SNAP29: variants seen among roughly 807,000 people sequenced by gnomAD.
SNAP29 encodes the protein synaptosomal-associated protein 29.
A neutral mutation model predicts 27.9 loss-of-function variants in SNAP29; 13 were observed. The observed-to-expected ratio is 0.47, with a 90% CI of 0.30 to 0.74. The LOEUF (loss-of-function observed/expected upper bound fraction) is 0.74. Among genes scored for constraint, SNAP29 ranks in the 30% least tolerant of loss-of-function variants. The probability of loss-of-function intolerance (pLI) is 0.06; values close to 1 mark genes in which losing one functional copy is unlikely to be tolerated. For missense variants in SNAP29, 368 were observed against 336.5 expected, an observed-to-expected ratio of 1.09 and a Z score of -0.73; for synonymous variants, 119 against 127.1, an observed-to-expected ratio of 0.94 and a Z score of 0.43.
At chr22:20,875,037 A>T (rs1928706904) in intron 2 of SNAP29, among the ~76,000 whole-genome samples, 1 of 152,050 alleles carries the variant, frequency 6.6e-6, no homozygotes, top group South Asian at 2.1e-4. Context: ...GGGCTCTTGG[A>T]GGCCCCTGCA....
At chr22:20,876,304 C>T (rs1474610350) in intron 2 of SNAP29, among the ~76,000 whole-genome samples, 1 of 139,944 alleles carries the variant, frequency 7.1e-6, no homozygotes, top group Non-Finnish European at 1.5e-5. Flanking sequence ...GTCGCCCAGG[C>T]TGGAGTGCAG....
intron 1 of SNAP29, among the ~76,000 whole-genome samples, chr22:20,865,063 G>A (rs1928424954): frequency 1.3e-5 from 2 of 152,122 alleles, no homozygotes; most frequent in Admixed American, 1.3e-4. Context: ...GATTGAATTT[G>A]ACCATTGATG....
intron 1 of SNAP29, among the ~76,000 whole-genome samples, chr22:20,866,211 C>T (rs1049608932): frequency 6.6e-6 from 1 of 152,198 alleles, no homozygotes; most frequent in Admixed American, 6.5e-5. Context: ...CCAGCACTAC[C>T]GCCTTTGCCC....
At chr22:20,881,640 G>A (rs1313281638) in intron 3 of SNAP29, among the ~76,000 whole-genome samples, 1 of 152,224 alleles carries the variant, frequency 6.6e-6, no homozygotes, top group African/African-American at 2.4e-5. Flanking sequence ...CTGGGAGGCG[G>A]AGGTTGCAGT....
At chr22:20,879,300 C>G (rs1243961469) in intron 2 of SNAP29, among the ~76,000 whole-genome samples, 1 of 148,474 alleles carries the variant, frequency 6.7e-6, no homozygotes, top group Non-Finnish European at 1.5e-5. Context: ...GAGTGAGACT[C>G]CATCTCAAAA....
intron 1 of SNAP29, among the ~76,000 whole-genome samples, chr22:20,862,719 A>C (rs978119803): frequency 5.3e-5 from 8 of 152,300 alleles, no homozygotes; most frequent in South Asian, 4.1e-4. Context: ...TGAGAAGTAC[A>C]GTGTGGTCAT....
At chr22:20,886,297 T>C (rs1343703603) in intron 4 of SNAP29, among the ~76,000 whole-genome samples, 2 of 147,864 alleles carry the variant, frequency 1.4e-5, no homozygotes, top group Admixed American at 1.4e-4. Context: ...TTGAAGACAA[T>C]CTTTTTATTT....
At position 20,888,308 on chromosome 22, in the gene SNAP29, C is replaced by G. The variant is rs1929068352; in HGVS notation, c.*472C>G. 1 of 211,092 alleles carries G rather than the reference C, an allele frequency of 4.7e-6. No individual in the cohort carries two copies. Among genetic ancestry groups the G allele is most frequent in the Non-Finnish European group, 8.6e-6 (1 of 116,168 alleles). 13.1% of individuals were successfully genotyped at this position (211,092 alleles called of 1,614,324 possible). A position where few individuals can be genotyped will look rare whatever the true frequency, so the allele number is the denominator to read the frequency against. On this transcript the variant is annotated 3_prime_UTR_variant, in exon 5 of 5. Transcript: ENST00000215730. The stretch of plus-strand genomic sequence containing the variant: ...TCCCACACCTTTGTTTAGGAGTCAT[C>G]ATTCACACACACACACACACACACA...
intron 2 of SNAP29, among the ~76,000 whole-genome samples, chr22:20,874,574 CAAAA>C (rs758177794): frequency 5.1e-5 from 5 of 98,372 alleles, no homozygotes; most frequent in African/African-American, 3.6e-5. Flanking sequence ...GACCCTATCT[CAAAA>C]AAAAAAAAAA....
intron 1 of SNAP29, among the ~76,000 whole-genome samples, chr22:20,859,966 A>G (rs1214392191): frequency 3.3e-5 from 5 of 152,164 alleles, no homozygotes; most frequent in African/African-American, 1.2e-4. Flanking sequence ...CCCAAATCCT[A>G]GACAAATAGT....
rs892140839 is a variant in SNAP29 at position 20,887,953 on chromosome 22, A to G, written c.*117A>G. On this transcript the variant is annotated 3_prime_UTR_variant, in exon 5 of 5. Transcript: ENST00000215730. ...AAATTAATGTGTGTTTGCAAATGTT[A>G]TAATAGAGTAGGTCTTAAGACATTT... 3 of 1,032,652 alleles carry G rather than the reference A, an allele frequency of 2.9e-6. No individual in the cohort carries two copies. Among genetic ancestry groups the G allele is most frequent in the African/African-American group, 3.2e-5 (2 of 62,818 alleles). The allele number at this position is 1,032,652 out of a possible 1,614,324, so 64.0% of individuals were successfully genotyped here.
Position 20,859,364 on chromosome 22 carries a change from G to A in SNAP29, c.237+17G>A, listed in dbSNP as rs1251152956. On this transcript the variant is annotated intron_variant, in intron 1 of 4. Transcript: ENST00000215730. Reference sequence around the variant, plus strand: ...TCTTCCGAGGTGAGCCTGGGGCAGGGCTGGTGTGGACTCGCCGGTCTCTGT... The same window carrying A: ...TCTTCCGAGGTGAGCCTGGGGCAGGACTGGTGTGGACTCGCCGGTCTCTGT... 7 of 1,552,252 alleles carry A rather than the reference G, an allele frequency of 4.5e-6. No individual in the cohort carries two copies. The highest frequency in any genetic ancestry group is 2.2e-5 in the East Asian group (1 of 44,626).
At chr22:20,863,659 G>T (rs1298284182) in intron 1 of SNAP29, among the ~76,000 whole-genome samples, 4 of 152,124 alleles carry the variant, frequency 2.6e-5, no homozygotes, top group Non-Finnish European at 4.4e-5. Context: ...TAGTAAGCAT[G>T]ATTTCTTCTT....
rs573461514 is a variant in SNAP29, at chr22:20,865,500, C to T, written c.238-4837C>T. 4.6e-5 allele frequency among the ~76,000 whole-genome samples: 7 copies of T among 152,234 alleles called. No individual in the cohort carries two copies. The East Asian group carries it at 9.6e-4, about 21-fold the overall frequency. On this transcript the variant is annotated intron_variant, in intron 1 of 4. Coordinates refer to ENST00000215730, the MANE Select transcript of SNAP29 (RefSeq NM_004782.4). The stretch of plus-strand genomic sequence containing the variant: ...ATCCACTCACAGCTGCCACATTGTC[C>T]CAAGGAACCTTGCTTTGCTGACCAG...
At chr22:20,877,212 G>A (rs899473581) in intron 2 of SNAP29, among the ~76,000 whole-genome samples, 2 of 151,940 alleles carry the variant, frequency 1.3e-5, no homozygotes, top group African/African-American at 4.8e-5. Context: ...CACAAAGTCA[G>A]GTGTTCAAGA....
At position 20,881,121 on chromosome 22, in the gene SNAP29, G is replaced by C. The variant is rs746213222; in HGVS notation, c.507G>C (p.Lys169Asn). Residue 169 changes from lysine (K) to asparagine (N), a missense_variant, in exon 3 of 5, where the codon AAG becomes AAC. Coordinates refer to ENST00000215730, the MANE Select transcript of SNAP29 (RefSeq NM_004782.4). The stretch of plus-strand genomic sequence containing the variant: ...AGGCCAGCCACCCAAACCTTAGAAA[G>C]CTGGATGATACAGGTAAGTGGATAC... Reference protein sequence around the residue: ...KYQASHPNLRKLDDTDPVPRG... With the variant: ...KYQASHPNLRNLDDTDPVPRG... 1 of 1,609,412 alleles carries C rather than the reference G, an allele frequency of 6.2e-7. No individual in the cohort carries two copies. The highest frequency in any genetic ancestry group is 2.2e-5 in the East Asian group (1 of 44,862).
At chr22:20,883,627 C>T (rs1928944126) in intron 4 of SNAP29, 58 bp downstream of exon 4, 1 of 1,066,768 alleles carries the variant, frequency 9.4e-7, no homozygotes, top group African/African-American at 1.6e-5. Flanking sequence ...CAGCTTACGC[C>T]AAGCATAGCC....
At position 20,888,311 on chromosome 22, in the gene SNAP29, TCACACACACACACA is replaced by T. The variant is rs575240461; in HGVS notation, c.*507_*520del. 17 of 174,564 alleles carry T rather than the reference TCACACACACACACA, an allele frequency of 9.7e-5. No homozygotes were observed. Among genetic ancestry groups the T allele is most frequent in the South Asian group, 1.7e-4 (2 of 11,682 alleles). 10.8% of individuals were successfully genotyped at this position (174,564 alleles called of 1,614,324 possible). On this transcript the variant is annotated 3_prime_UTR_variant, in exon 5 of 5. Coordinates refer to ENST00000215730, the MANE Select transcript of SNAP29 (RefSeq NM_004782.4). ...CACACCTTTGTTTAGGAGTCATCAT[TCACACACACACACA>T]CACACACACACACACACACACACAC...
intron 1 of SNAP29, among the ~76,000 whole-genome samples, chr22:20,865,264 A>T (rs532814319): frequency 2.0e-5 from 3 of 152,142 alleles, no homozygotes; most frequent in African/African-American, 7.2e-5. Context: ...CTGAGGTAGG[A>T]GGATCTCTTG....
Sources: gnomAD v4.1 joint callset for allele counts (sites outside exome capture counted in the v4.1 genomes callset) on GRCh38, gnomAD v4.1.1 for gene constraint, MANE v1.5 for transcripts, NCBI Gene and HGNC (gene_info 2026-07-23, HGNC 2026-07-21) for gene names.